CSMD1: variants seen among roughly 807,000 people sequenced by gnomAD.
CSMD1 encodes the protein CUB and Sushi multiple domains 1.
CSMD1 carries 213 observed loss-of-function variants against 417.5 expected under a neutral mutation model. The ratio of observed to expected loss-of-function variants is 0.51; its 90% CI spans 0.46 to 0.57. CSMD1 has a LOEUF of 0.57. Among genes scored for constraint, CSMD1 ranks in the 20% least tolerant of loss-of-function variants. The probability of loss-of-function intolerance (pLI) is 0.00; values close to 1 mark genes in which losing one functional copy is unlikely to be tolerated. For synonymous variants in CSMD1, 2,862 were observed against 1,736.8 expected, an observed-to-expected ratio of 1.65 and a Z score of -16.11; for missense variants, 6,923 against 4,529.7, an observed-to-expected ratio of 1.53 and a Z score of -15.17.
Position 3,307,760 on chromosome 8 carries a change from T to G in CSMD1, c.3885A>C (p.Pro1295=). 6.2e-7 allele frequency: 1 copy of G among 1,613,786 alleles called. No individual in the cohort carries two copies. Among genetic ancestry groups the G allele is most frequent in the Non-Finnish European group, 8.5e-7 (1 of 1,179,732 alleles). ...AGTGGAGGTTGTTGTCATACGGAGC[T>G]GGATAGCCAGGGGACAATATTCGTC... The part of the protein sequence containing the change: ...TSGRILSPGY[P]APYDNNLHCT... The change falls in exon 25 of 70, where the codon CCA becomes CCC. Residue 1295 remains proline, a synonymous_variant. Coordinates refer to ENST00000635120, the MANE Select transcript of CSMD1 (RefSeq NM_033225.6).
intron 1 of CSMD1, among the ~76,000 whole-genome samples, chr8:4,932,987 A>G (rs1807347611): frequency 6.6e-6 from 1 of 152,224 alleles, no homozygotes; most frequent in Non-Finnish European, 1.5e-5. Context: ...GGGATTATAA[A>G]AGAAACTTAC....
chr8:4,382,710 C>G lies in CSMD1; in HGVS notation c.415+37243G>C, dbSNP rs190966841. ...ATTAAGATACATTTGAATTTACTGGCTTCTTTGTTTTTAACGCTTTGCATT... is the reference window on the plus strand; with the variant it reads ...ATTAAGATACATTTGAATTTACTGGGTTCTTTGTTTTTAACGCTTTGCATT... On this transcript the variant is annotated intron_variant, in intron 3 of 69. Transcript: ENST00000635120. Among the ~76,000 whole-genome samples the G allele has an allele frequency of 2.3e-3, 353 of 151,424 alleles. 7 individuals are homozygous for G. The highest frequency in any genetic ancestry group is 0.021 in the Admixed American group (327 of 15,224).
chr8:3,145,764 C>T (rs1818805050), intron 40 of CSMD1, among the ~76,000 whole-genome samples: 2 of 152,172 alleles, frequency 1.3e-5, no homozygotes, highest in South Asian at 2.1e-4. Flanking sequence ...CTTCTATTGT[C>T]TCAGAGAGTA....
chr8:4,416,440 A>G (rs977944588), intron 3 of CSMD1, among the ~76,000 whole-genome samples: 1 of 152,128 alleles, frequency 6.6e-6, no homozygotes, highest in African/African-American at 2.4e-5. Context: ...TTTAGAAAAC[A>G]TTTGAAATTA....
At chr8:4,813,838 G>A (rs891599833) in intron 1 of CSMD1, among the ~76,000 whole-genome samples, 4 of 152,188 alleles carry the variant, frequency 2.6e-5, no homozygotes, top group Admixed American at 6.5e-5. Context: ...AGTAATTCCA[G>A]AGTGCATAGT....
chr8:4,633,318 C>T (rs955472182), intron 2 of CSMD1, among the ~76,000 whole-genome samples: 8 of 151,924 alleles, frequency 5.3e-5, no homozygotes, highest in African/African-American at 1.9e-4. Flanking sequence ...GCGATCTCGG[C>T]TCACTGAAAG....
chr8:3,937,600 G>C (rs1260576815), intron 5 of CSMD1, among the ~76,000 whole-genome samples: 3 of 152,012 alleles, frequency 2.0e-5, no homozygotes, highest in South Asian at 2.1e-4. Flanking sequence ...ATATGCACTG[G>C]GGAACCCACA....
chr8:4,278,197 A>C (rs1057263777), intron 3 of CSMD1, among the ~76,000 whole-genome samples: 1 of 152,214 alleles, frequency 6.6e-6, no homozygotes, highest in African/African-American at 2.4e-5. Flanking sequence ...ATATAATTCC[A>C]GTGCTCAATA....
intron 7 of CSMD1, among the ~76,000 whole-genome samples, chr8:3,642,970 C>A (rs185808073): frequency 2.6e-5 from 4 of 151,452 alleles, no homozygotes. Context: ...TTAGGAAATT[C>A]AGGACACAGA....
chr8:4,298,563 A>G (rs898941653), intron 3 of CSMD1, among the ~76,000 whole-genome samples: 1 of 152,170 alleles, frequency 6.6e-6, no homozygotes, highest in East Asian at 1.9e-4. Flanking sequence ...CTTGTACCCA[A>G]TGAATTTATG....
chr8:4,255,664 T>C (rs1311477449), intron 3 of CSMD1, among the ~76,000 whole-genome samples: 1 of 152,242 alleles, frequency 6.6e-6, no homozygotes, highest in Non-Finnish European at 1.5e-5. Flanking sequence ...ACTTTGCTAA[T>C]ATGTATTACG....
At position 4,803,290 on chromosome 8, in the gene CSMD1, A is replaced by C. The variant is rs1282594419; in HGVS notation, c.86-165732T>G. On this transcript the variant is annotated intron_variant, in intron 1 of 69. Coordinates refer to ENST00000635120, the MANE Select transcript of CSMD1 (RefSeq NM_033225.6). ...GTTATCCAAACAGAAACATCGATAA[A>C]GCAATTCCCTTTAGTGTTCAGTGAA... 2.0e-5 allele frequency among the ~76,000 whole-genome samples: 3 copies of C among 152,218 alleles called. 1 individual carries two copies. Among genetic ancestry groups the C allele is most frequent in the Non-Finnish European group, 4.4e-5 (3 of 68,026 alleles).
At chr8:3,777,498 G>A (rs973928470) in intron 5 of CSMD1, among the ~76,000 whole-genome samples, 3 of 152,182 alleles carry the variant, frequency 2.0e-5, no homozygotes, top group Non-Finnish European at 4.4e-5. Context: ...ATGATGGGCT[G>A]AGGATGCTCT....
chr8:3,363,512 C>CTTATTGAT (rs142946361), intron 20 of CSMD1, among the ~76,000 whole-genome samples: 1 of 150,656 alleles, frequency 6.6e-6, no homozygotes, highest in South Asian at 2.1e-4. Context: ...TGTAGAAAGG[C>CTTATTGAT]TTATTTATTT....
intron 6 of CSMD1, among the ~76,000 whole-genome samples, chr8:3,741,493 G>A (rs541997938): frequency 2.6e-5 from 4 of 152,250 alleles, no homozygotes; most frequent in Admixed American, 2.6e-4. Flanking sequence ...CAAGTAAAAT[G>A]TACTTCCCAT....
intron 5 of CSMD1, among the ~76,000 whole-genome samples, chr8:3,783,853 G>A (rs1248437360): frequency 1.3e-5 from 2 of 152,192 alleles, no homozygotes; most frequent in East Asian, 1.9e-4. Context: ...ATGGATGACT[G>A]TTTTCACCTC....
rs754662455 is a variant in CSMD1, at chr8:4,770,082, AG to A, written c.86-132525del. Reference sequence around the variant, plus strand: ...TCACAGAGGACACAAATGCATGAAAAGATACTTCATGCTCATAGATCAAAAT... The same window carrying A: ...TCACAGAGGACACAAATGCATGAAAAATACTTCATGCTCATAGATCAAAAT... On this transcript the variant is annotated intron_variant, in intron 1 of 69. Transcript: ENST00000635120. Among the ~76,000 whole-genome samples the A allele has an allele frequency of 1.7e-4, 26 of 152,022 alleles. No homozygotes were observed. In the Middle Eastern group the frequency reaches 0.01, roughly 60 times the overall value.
At chr8:3,391,823 G>T (rs950251739) in intron 17 of CSMD1, among the ~76,000 whole-genome samples, 3 of 152,170 alleles carry the variant, frequency 2.0e-5, no homozygotes, top group Admixed American at 6.5e-5. Flanking sequence ...GCCTCTATGG[G>T]CATGAAGAAG....
chr8:3,619,625 C>G (rs1449101595), intron 7 of CSMD1, among the ~76,000 whole-genome samples: 2 of 152,044 alleles, frequency 1.3e-5, no homozygotes, highest in Non-Finnish European at 2.9e-5. Context: ...GGATAAACAT[C>G]AAGAGATCCA....
Sources: allele counts gnomAD v4.1 joint callset (sites outside exome capture counted in the v4.1 genomes callset), GRCh38; gene constraint gnomAD v4.1.1; transcripts MANE v1.5; gene names NCBI Gene and HGNC (gene_info 2026-07-23, HGNC 2026-07-21).